Variants in ZBTB25 observed in about 807,000 individuals in gnomAD.
ZBTB25 encodes zinc finger and BTB domain-containing protein 25.
ZBTB25 carries 20 observed loss-of-function variants against 34.2 expected under a neutral mutation model. The observed-to-expected ratio is 0.58, with a 90% confidence interval of 0.41 to 0.85. ZBTB25 has a LOEUF of 0.85. Among genes scored for constraint, ZBTB25 ranks in the 40% least tolerant of loss-of-function variants. The probability of loss-of-function intolerance (pLI) is 0.00; values close to 1 mark genes in which losing one functional copy is unlikely to be tolerated. For missense variants in ZBTB25, 437 were observed against 521.8 expected (o/e 0.84, Z 1.58); for synonymous variants, 175 against 186.4 (o/e 0.94, Z 0.50).
chr14:64,460,856 T>C (rs571559926), intron 2 of ZBTB25: 5 of 152,054 alleles, frequency 3.3e-5, no homozygotes, highest in African/African-American at 9.6e-5. Context: ...TAAAACCCTG[T>C]TTCTACCAAA....
chr14:64,470,385 T>G (rs1596590571), intron 2 of ZBTB25: 1 of 162,790 alleles, frequency 6.1e-6, no homozygotes, highest in Non-Finnish European at 1.5e-5. Context: ...AGGTCAGGAG[T>G]TCGAGACCAG....
At chr14:64,462,738 G>C (rs1345901080) in intron 2 of ZBTB25, 1 of 152,182 alleles carries the variant, frequency 6.6e-6, no homozygotes, top group Non-Finnish European at 1.5e-5. Flanking sequence ...TTACTATTGA[G>C]TTTGTGTTGG....
intron 1 of ZBTB25, chr14:64,503,270 T>A: frequency 1.0e-6 from 1 of 985,448 alleles, no homozygotes; most frequent in South Asian, 4.7e-5. Flanking sequence ...TCCCAGCATC[T>A]GGAAAGTCGC....
At chr14:64,501,207 G>C (rs1047182969) in intron 1 of ZBTB25, among the ~76,000 whole-genome samples, 1 of 152,098 alleles carries the variant, frequency 6.6e-6, no homozygotes, top group African/African-American at 2.4e-5. Context: ...TACTATTCTG[G>C]TTATTTTCAA....
At chr14:64,495,850 G>C (rs1174139835) in intron 1 of ZBTB25, among the ~76,000 whole-genome samples, 3 of 152,034 alleles carry the variant, frequency 2.0e-5, no homozygotes, top group African/African-American at 7.2e-5. Context: ...AGCTACTCTG[G>C]AGGCTGAGGC....
chr14:64,476,466 G>A (rs1336166648), downstream of ZBTB25, among the ~76,000 whole-genome samples: 1 of 151,628 alleles, frequency 6.6e-6, no homozygotes, highest in Non-Finnish European at 1.5e-5. Context: ...GATTACAGGC[G>A]CCCACCACTA....
chr14:64,463,627 CAAA>C (rs199975542), intron 2 of ZBTB25, among the ~76,000 whole-genome samples: 2 of 123,460 alleles, frequency 1.6e-5, no homozygotes, highest in African/African-American at 3.1e-5. Context: ...GCCATCTCTA[CAAA>C]AAAAAAAAAA....
downstream of ZBTB25, among the ~76,000 whole-genome samples, chr14:64,476,389 G>T (rs2078719499): frequency 6.6e-6 from 1 of 152,208 alleles, no homozygotes; most frequent in Admixed American, 6.5e-5. Context: ...GCAGTGGAGT[G>T]ATCTCGGCTC....
intron 2 of ZBTB25, among the ~76,000 whole-genome samples, chr14:64,465,796 A>G (rs553670417): frequency 3.3e-5 from 5 of 152,298 alleles, no homozygotes; most frequent in Non-Finnish European, 5.9e-5. Context: ...GGCGACCCTC[A>G]TCAGGTCTGC....
At position 64,453,877 on chromosome 14, in the gene ZBTB25, G is replaced by A. The variant is rs2078420143; in HGVS notation, c.174-4239C>T. The A allele has an allele frequency of 5.9e-6, 9 of 1,520,358 alleles. No individual in the cohort carries two copies. Among genetic ancestry groups the A allele is most frequent in the Non-Finnish European group, 8.2e-6 (9 of 1,095,530 alleles). The allele number at this position is 1,520,358 out of a possible 1,614,324, so 94.2% of individuals were successfully genotyped here. On this transcript the variant is annotated intron_variant, in intron 2 of 2. Transcript: ENST00000555220. ...CACGAAGCAGGTAGATGTTTGGTTA[G>A]TTTGTCCTTTCAACTCTTTGCAAAG... is the stretch of plus-strand genomic sequence containing the variant.
At chr14:64,453,364 G>GA (rs1334476489) in intron 2 of ZBTB25, among the ~76,000 whole-genome samples, 1 of 152,066 alleles carries the variant, frequency 6.6e-6, no homozygotes, top group African/African-American at 2.4e-5. Context: ...CTGAGGTTGG[G>GA]AGTTCAAGAC....
chr14:64,501,547 T>A (rs754765182), intron 1 of ZBTB25, among the ~76,000 whole-genome samples: 2 of 152,240 alleles, frequency 1.3e-5, no homozygotes, highest in Non-Finnish European at 2.9e-5. Context: ...CTTTATAACT[T>A]ATCAAGATAA....
downstream of ZBTB25, among the ~76,000 whole-genome samples, chr14:64,475,836 T>C (rs1173788389): frequency 6.6e-6 from 1 of 152,198 alleles, no homozygotes; most frequent in African/African-American, 2.4e-5. Flanking sequence ...ATCATAACAA[T>C]GGGAGCAGTG....
At chr14:64,498,719 C>T (rs1046507188) in intron 1 of ZBTB25, among the ~76,000 whole-genome samples, 6 of 152,036 alleles carry the variant, frequency 3.9e-5, no homozygotes, top group Non-Finnish European at 5.9e-5. Context: ...CTGCAAGCTC[C>T]GCCTCCCGGG....
At chr14:64,473,129 C>G (rs1596594187), downstream of ZBTB25, 1 of 166,970 alleles carries the variant, frequency 6.0e-6, no homozygotes, top group East Asian at 1.9e-4. Flanking sequence ...TGAAAATTCT[C>G]CTCTATTTTA....
Position 64,487,215 on chromosome 14 carries a change from C to T in ZBTB25, c.1016G>A (p.Cys339Tyr). Residue 339 changes from cysteine (C) to tyrosine (Y), a missense_variant, in exon 3 of 3, where the codon TGT (cysteine) becomes TAT (tyrosine). Physicochemically the swap from Cys to Tyr is radical, Grantham distance 194 (BLOSUM62 -2). Coordinates refer to ENST00000608382, the MANE Select transcript of ZBTB25 (RefSeq NM_006977.5). ...TCTTTTCCTTGAAAAAGAAAAATTACAGTTTAATTCTACTGGCTCTGTGTC... is the reference window on the plus strand; with the variant it reads ...TCTTTTCCTTGAAAAAGAAAAATTATAGTTTAATTCTACTGGCTCTGTGTC... ...SKDTEPVELN[C>Y]NFSFSRKRKM... 1 of 1,614,002 alleles carries T rather than the reference C, an allele frequency of 6.2e-7. No homozygotes were observed. The highest frequency in any genetic ancestry group is 8.5e-7 in the Non-Finnish European group (1 of 1,179,924).
At chr14:64,502,194 G>C (rs1049611173) in intron 1 of ZBTB25, among the ~76,000 whole-genome samples, 1 of 152,190 alleles carries the variant, frequency 6.6e-6, no homozygotes, top group Non-Finnish European at 1.5e-5. Context: ...AACTTGAGCA[G>C]AATCCATCTC....
At chr14:64,449,658 A>G (rs1431714154) in intron 2 of ZBTB25, 2 of 1,609,540 alleles carry the variant, frequency 1.2e-6, no homozygotes, top group Admixed American at 1.7e-5. Context: ...AAGAAAAAAG[A>G]CGAAAAGGGC....
chr14:64,472,952 T>G (rs889339310), intron 2 of ZBTB25: 1 of 167,054 alleles, frequency 6.0e-6, no homozygotes, highest in East Asian at 1.9e-4. Flanking sequence ...TAATGAATGT[T>G]TATTTATTTA....
Sources: gnomAD v4.1 joint callset for allele counts (sites outside exome capture counted in the v4.1 genomes callset) on GRCh38, gnomAD v4.1.1 for gene constraint, MANE v1.5 for transcripts, NCBI Gene and HGNC (gene_info 2026-07-23, HGNC 2026-07-21) for gene names.